DAGLA: variants seen among roughly 807,000 people sequenced by gnomAD.
DAGLA encodes diacylglycerol lipase-alpha.
Under a neutral mutation model 102.6 loss-of-function variants are expected in DAGLA, and 22 were observed. The observed-to-expected ratio is 0.21, with a 90% CI of 0.15 to 0.31. The LOEUF (loss-of-function observed/expected upper bound fraction) is 0.31. Among genes scored for constraint, DAGLA ranks in the 10% least tolerant of loss-of-function variants. The pLI, the probability that DAGLA is intolerant of heterozygous loss-of-function variation, is 1.00. For synonymous variants in DAGLA, 578 were observed against 628.9 expected (o/e 0.92, Z 1.21); for missense variants, 927 against 1,446.6 (o/e 0.64, Z 5.83).
intron 1 of DAGLA, among the ~76,000 whole-genome samples, chr11:61,718,420 A>AG (rs1198033820): frequency 3.9e-5 from 6 of 152,074 alleles, no homozygotes; most frequent in Non-Finnish European, 8.8e-5. Flanking sequence ...GGAGACAGGG[A>AG]GGGGGCGGCA....
chr11:61,728,740 G>A (rs2065351320), intron 7 of DAGLA, among the ~76,000 whole-genome samples, 191 bp from the exon 8 acceptor site: 2 of 152,210 alleles, frequency 1.3e-5, no homozygotes, highest in Non-Finnish European at 2.9e-5. Flanking sequence ...TAGAAGGGGA[G>A]CATCTGGAAA....
At chr11:61,723,111 A>AAGGGTGAGGGAAG in intron 4 of DAGLA, 151 bp downstream of exon 4, 1 of 711,060 alleles carries the variant, frequency 1.4e-6, no homozygotes, top group Non-Finnish European at 2.4e-6. Flanking sequence ...TGCTTCCCTC[A>AAGGGTGAGGGAAG]CCCTTGAGGC....
chr11:61,740,532 C>A lies in DAGLA; in HGVS notation c.1923C>A (p.Ile641=), dbSNP rs781645812. ...WGDNKAFNEV[I]ISPAMLHEHL... is the part of the protein sequence containing the mutation. The stretch of plus-strand genomic sequence containing the variant: ...ACAACAAGGCCTTCAATGAGGTGAT[C>A]ATCTCGCCAGCCATGCTGCATGAGC... Residue 641 remains isoleucine (I), a synonymous_variant, in exon 18 of 20, where the codon ATC becomes ATA. Coordinates refer to ENST00000257215, the MANE Select transcript of DAGLA (RefSeq NM_006133.3). 5.6e-6 allele frequency: 9 copies of A among 1,613,892 alleles called. No homozygotes were observed. In the East Asian group the frequency reaches 1.8e-4, roughly 32 times the overall value.
At chr11:61,722,663 C>A (rs1225134004) in intron 3 of DAGLA, among the ~76,000 whole-genome samples, 196 bp from the exon 4 acceptor site, 2 of 151,614 alleles carry the variant, frequency 1.3e-5, no homozygotes, top group Admixed American at 6.6e-5. Flanking sequence ...CAGGGGCCAA[C>A]AGGACCAAAT....
At chr11:61,724,477 G>C (rs2065308382) in intron 5 of DAGLA, among the ~76,000 whole-genome samples, 1 of 152,198 alleles carries the variant, frequency 6.6e-6, no homozygotes, top group African/African-American at 2.4e-5. Flanking sequence ...GGGTCTTGCT[G>C]CTGGGGTGCA....
At chr11:61,716,554 A>G (rs539105293) in intron 1 of DAGLA, among the ~76,000 whole-genome samples, 1 of 152,026 alleles carries the variant, frequency 6.6e-6, no homozygotes, top group East Asian at 1.9e-4. Flanking sequence ...AGGATTTGTC[A>G]GCTGAGGGTG....
At chr11:61,709,352 T>A (rs1280652103) in intron 1 of DAGLA, among the ~76,000 whole-genome samples, 1 of 152,206 alleles carries the variant, frequency 6.6e-6, no homozygotes, top group Admixed American at 6.5e-5. Flanking sequence ...CAAGCAATTA[T>A]CCTGCCATAG....
At chr11:61,713,342 C>T (rs1335106540) in intron 1 of DAGLA, among the ~76,000 whole-genome samples, 1 of 152,172 alleles carries the variant, frequency 6.6e-6, no homozygotes, top group Non-Finnish European at 1.5e-5. Flanking sequence ...GCTCATCTGT[C>T]AAATAAGGGG....
At chr11:61,726,176 G>A in intron 6 of DAGLA, 94 bp downstream of exon 6, 1 of 1,228,596 alleles carries the variant, frequency 8.1e-7, no homozygotes, top group Non-Finnish European at 1.2e-6. Flanking sequence ...GATGGGGCAG[G>A]GCTGGTGGGA....
Position 61,743,570 on chromosome 11 carries a change from C to G in DAGLA, c.2210C>G (p.Ser737Trp). The G allele has an allele frequency of 6.5e-7, 1 of 1,548,970 alleles. No homozygotes were observed. The highest frequency in any genetic ancestry group is 8.7e-7 in the Non-Finnish European group (1 of 1,154,184). Reference sequence around the variant, plus strand: ...TCTGAGATGAGCCTGGAGGGCTTCTCGGAGGGGCGGCTGCTGTCGCCAGTG... The same window carrying G: ...TCTGAGATGAGCCTGGAGGGCTTCTGGGAGGGGCGGCTGCTGTCGCCAGTG... ...SQSEMSLEGF[S>W]EGRLLSPVVA... The change falls in exon 20 of 20, where the codon TCG (serine) becomes TGG (tryptophan). Residue 737 changes from serine to tryptophan, a missense_variant. Ser to Trp is a radical substitution (Grantham distance 177). This residue lies in a region of DAGLA where 434 missense variants were observed against 503.3 expected (regional missense o/e 0.86). Transcript: ENST00000257215.
At chr11:61,682,489 G>A (rs563486322) in intron 1 of DAGLA, among the ~76,000 whole-genome samples, 1 of 152,174 alleles carries the variant, frequency 6.6e-6, no homozygotes, top group Non-Finnish European at 1.5e-5. Flanking sequence ...CCAGGCCCCC[G>A]GTCTCCAGAG....
chr11:61,707,050 C>T (rs763366229), intron 1 of DAGLA, among the ~76,000 whole-genome samples: 1 of 152,130 alleles, frequency 6.6e-6, no homozygotes. Flanking sequence ...TTCCCCACTG[C>T]GGATAGTTAG....
At chr11:61,720,560 A>T in intron 2 of DAGLA, 119 bp from the exon 3 acceptor site, 1 of 893,298 alleles carries the variant, frequency 1.1e-6, no homozygotes, top group Admixed American at 2.1e-5. Flanking sequence ...CTTATGGAGG[A>T]GGTGCCTGCT....
rs757652466 is a variant in DAGLA at position 61,738,165 on chromosome 11, C to A, written c.1614C>A (p.Arg538=). 6.2e-6 allele frequency: 10 copies of A among 1,613,642 alleles called. No homozygotes were observed. The South Asian group carries it at 1.1e-4, about 18-fold the overall frequency. ...GCCTCTCTCAGCTGGAAGGCTTCCG[C>A]AGACAGCTCCTGGATGTCCTGCAGC... ...RIGLSQLEGF[R]RQLLDVLQRS... is the part of the protein sequence containing the mutation. Residue 538 remains arginine (R), a synonymous_variant, in exon 16 of 20, where the codon CGC becomes CGA. Transcript: ENST00000257215.
intron 1 of DAGLA, among the ~76,000 whole-genome samples, chr11:61,691,193 G>T (rs527790017): frequency 4.6e-5 from 7 of 152,206 alleles, no homozygotes; most frequent in African/African-American, 4.8e-5. Flanking sequence ...ACAAAGCTGG[G>T]CACCCAGCCC....
chr11:61,685,437 A>G (rs1053792918), intron 1 of DAGLA, among the ~76,000 whole-genome samples: 1 of 152,234 alleles, frequency 6.6e-6, no homozygotes, highest in African/African-American at 2.4e-5. Flanking sequence ...TCCTTGGGAT[A>G]GACAGAATCT....
Position 61,684,221 on chromosome 11 carries a change from A to AT in DAGLA, c.-45+3720dup, listed in dbSNP as rs2064967689. 6.6e-6 allele frequency among the ~76,000 whole-genome samples: 1 copy of AT among 152,316 alleles called. No homozygotes were observed. The highest frequency in any genetic ancestry group is 1.5e-5 in the Non-Finnish European group (1 of 68,028). ...GTTGGCCCATCACTCTGTGATTTCA[A>AT]TTTCTCACCGGAATAGCTTTACATT... is the stretch of plus-strand genomic sequence containing the variant. On this transcript the variant is annotated intron_variant, in intron 1 of 19. Coordinates refer to ENST00000257215, the MANE Select transcript of DAGLA (RefSeq NM_006133.3). The surrounding 1 kb of genome is among the most constrained non-coding windows in gnomAD (Gnocchi z 4.5).
chr11:61,719,010 G>A (rs1351300993), intron 1 of DAGLA, among the ~76,000 whole-genome samples: 1 of 152,198 alleles, frequency 6.6e-6, no homozygotes, highest in Non-Finnish European at 1.5e-5. Context: ...TGCCATGTAA[G>A]CCTCTACTGG....
Position 61,739,645 on chromosome 11 carries a change from C to G in DAGLA, c.1837C>G (p.Pro613Ala), listed in dbSNP as rs767085225. 2 of 1,613,944 alleles carry G rather than the reference C, an allele frequency of 1.2e-6. No individual in the cohort carries two copies. Among genetic ancestry groups the G allele is most frequent in the Middle Eastern group, 3.3e-4 (2 of 6,062 alleles). ...CATCATCCACGTGGTCCACAACCAC[C>G]CTGCAGAGCAGTGCTGGTAGGTTCT... ...GRIIHVVHNH[P>A]AEQCCCCEQE... Residue 613 changes from proline to alanine, a missense_variant, in exon 17 of 20, where the codon CCT (proline) becomes GCT (alanine). This residue lies in a region of DAGLA where 218 missense variants were observed against 459.6 expected (regional missense o/e 0.47). Coordinates refer to ENST00000257215, the MANE Select transcript of DAGLA (RefSeq NM_006133.3).
Sources: gnomAD v4.1 joint callset for allele counts (sites outside exome capture counted in the v4.1 genomes callset) on GRCh38, gnomAD v4.1.1 for gene constraint, gnomAD v4.1.1 regional missense constraint, Gnocchi (gnomAD v3.1) non-coding constraint, MANE v1.5 for transcripts, NCBI Gene and HGNC (gene_info 2026-07-23, HGNC 2026-07-21) for gene names.